IPCEF1: variants seen among roughly 807,000 people sequenced by gnomAD.
The protein encoded by IPCEF1 is interactor protein for cytohesin exchange factors 1.
Under a neutral mutation model 50.9 loss-of-function variants are expected in IPCEF1, and 31 were observed. The observed-to-expected ratio is 0.61, with a 90% CI of 0.46 to 0.82. The LOEUF is 0.82. Among genes scored for constraint, IPCEF1 ranks in the 40% least tolerant of loss-of-function variants. The pLI, the probability that IPCEF1 is intolerant of heterozygous loss-of-function variation, is 0.00. For synonymous variants in IPCEF1, 181 were observed against 192.0 expected (o/e 0.94, Z 0.47); for missense variants, 458 against 514.0 (o/e 0.89, Z 1.05).
chr6:154,176,359 A>G (rs981439796), intron 10 of IPCEF1, among the ~76,000 whole-genome samples: 4 of 152,224 alleles, frequency 2.6e-5, no homozygotes, highest in Admixed American at 2.0e-4. Flanking sequence ...AGTGTATTCA[A>G]TTAGGAAAAG....
At chr6:154,336,581 TTAGA>T (rs1458664290) in intron 1 of IPCEF1, among the ~76,000 whole-genome samples, 1 of 151,956 alleles carries the variant, frequency 6.6e-6, no homozygotes, top group Admixed American at 6.6e-5. Context: ...AAACATACAG[TTAGA>T]TAGGAGGAAA....
chr6:154,218,060 G>T (rs529635000), intron 7 of IPCEF1, among the ~76,000 whole-genome samples: 1 of 152,200 alleles, frequency 6.6e-6, no homozygotes, highest in South Asian at 2.1e-4. Context: ...GGATCCACTG[G>T]CTTAGAGTAC....
intron 1 of IPCEF1, among the ~76,000 whole-genome samples, chr6:154,308,104 G>A (rs1317034912): frequency 6.6e-6 from 1 of 152,164 alleles, no homozygotes; most frequent in Non-Finnish European, 1.5e-5. Context: ...AACTAGAACA[G>A]GGTGAAAGGG....
At chr6:154,259,367 T>A (rs1781537622) in intron 3 of IPCEF1, among the ~76,000 whole-genome samples, 1 of 152,072 alleles carries the variant, frequency 6.6e-6, no homozygotes, top group Non-Finnish European at 1.5e-5. Flanking sequence ...AAATATGAAA[T>A]GCGCGCTGGG....
intron 7 of IPCEF1, among the ~76,000 whole-genome samples, chr6:154,219,348 A>G (rs1010285940): frequency 6.6e-6 from 1 of 152,228 alleles, no homozygotes; most frequent in Non-Finnish European, 1.5e-5. Flanking sequence ...GCAAGGAATC[A>G]GCCACAGAAT....
intron 1 of IPCEF1, among the ~76,000 whole-genome samples, chr6:154,349,995 G>T (rs931001145): frequency 2.0e-5 from 3 of 152,142 alleles, no homozygotes; most frequent in African/African-American, 7.2e-5. Context: ...CTGAAAAGGG[G>T]ATTTAAGAGA....
intron 3 of IPCEF1, among the ~76,000 whole-genome samples, chr6:154,264,369 T>C (rs1781698298): frequency 6.6e-6 from 1 of 151,982 alleles, no homozygotes; most frequent in African/African-American, 2.4e-5. Context: ...CCAGCATCAT[T>C]ATTTTATTTT....
intron 10 of IPCEF1, among the ~76,000 whole-genome samples, chr6:154,184,430 A>C (rs1801162439): frequency 6.6e-6 from 1 of 152,032 alleles, no homozygotes; most frequent in African/African-American, 2.4e-5. Flanking sequence ...TGTACTAACA[A>C]GGAAGGCTTA....
chr6:154,323,027 A>G (rs1283258938), intron 1 of IPCEF1, among the ~76,000 whole-genome samples: 1 of 152,192 alleles, frequency 6.6e-6, no homozygotes, highest in Admixed American at 6.5e-5. Context: ...AATTTCATTA[A>G]TCTTTTTCGA....
At chr6:154,200,748 G>T (rs1357705120) in intron 9 of IPCEF1, among the ~76,000 whole-genome samples, 4 of 152,058 alleles carry the variant, frequency 2.6e-5, no homozygotes, top group Non-Finnish European at 5.9e-5. Context: ...GCAAAAGCTG[G>T]AGCCATTCCA....
At chr6:154,259,212 C>G (rs965380107) in intron 3 of IPCEF1, among the ~76,000 whole-genome samples, 1 of 152,242 alleles carries the variant, frequency 6.6e-6, no homozygotes, top group Non-Finnish European at 1.5e-5. Context: ...AGAGTTGACT[C>G]TTGGTATTTT....
At position 154,168,042 on chromosome 6, in the gene IPCEF1, G is replaced by C; in HGVS notation, c.982C>G (p.Pro328Ala). The change falls in exon 11 of 12, where the codon CCT (proline) becomes GCT (alanine). Residue 328 changes from proline (P) to alanine (A), a missense_variant. By Grantham distance (27) the Pro-to-Ala change is conservative (BLOSUM62 -1). Transcript: ENST00000367220. The surrounding 1 kb of genome is among the most constrained non-coding windows in gnomAD (Gnocchi z 4.1). ...GTCGAAGGTCGTCGGTCCCCAAGAG[G>C]AGATAGACTAGCTTGCTCTAATGAT... ...YKSLEQASLS[P>A]LGDRRPSTKK... 1.2e-6 allele frequency: 2 copies of C among 1,609,804 alleles called. No individual in the cohort carries two copies. Among genetic ancestry groups the C allele is most frequent in the Non-Finnish European group, 1.7e-6 (2 of 1,176,906 alleles).
chr6:154,244,301 GGT>G (rs10674508), intron 5 of IPCEF1, among the ~76,000 whole-genome samples: 1,867 of 148,010 alleles, frequency 0.013, 36 homozygotes, highest in African/African-American at 0.04. Context: ...TGTGTGGGTG[GGT>G]GTGTGTGTGT....
intron 5 of IPCEF1, among the ~76,000 whole-genome samples, chr6:154,245,429 T>C (rs74933981): frequency 0.032 from 4,809 of 152,310 alleles, 246 homozygotes; most frequent in African/African-American, 0.11. Context: ...GATTTGGGTC[T>C]GGTTTAACCA....
chr6:154,227,226 A>T (rs1015115201), intron 5 of IPCEF1, among the ~76,000 whole-genome samples: 3 of 151,986 alleles, frequency 2.0e-5, no homozygotes, highest in African/African-American at 7.3e-5. Context: ...CAAAAAAATT[A>T]AAAAATAAAA....
chr6:154,170,464 C>A (rs1385228232), intron 10 of IPCEF1, among the ~76,000 whole-genome samples: 2 of 152,212 alleles, frequency 1.3e-5, no homozygotes, highest in Non-Finnish European at 2.9e-5. Flanking sequence ...TTTCCCCTAT[C>A]CATCCCAGAA....
intron 3 of IPCEF1, chr6:154,247,749 C>T (rs113447878): frequency 0.017 from 6,488 of 375,932 alleles, 105 homozygotes; most frequent in Middle Eastern, 0.036. Flanking sequence ...ACCCACAAGC[C>T]GCTCTCACTA....
chr6:154,271,391 C>G (rs764203837), intron 2 of IPCEF1, among the ~76,000 whole-genome samples: 1 of 151,486 alleles, frequency 6.6e-6, no homozygotes, highest in Non-Finnish European at 1.5e-5. Flanking sequence ...GGATAAAAAT[C>G]CATATGATAG....
chr6:154,213,664 A>T (rs1778146421), intron 8 of IPCEF1, among the ~76,000 whole-genome samples: 1 of 152,152 alleles, frequency 6.6e-6, no homozygotes, highest in Admixed American at 6.5e-5. Context: ...TGGCAGCTAA[A>T]TCCTCCCTCT....
Sources: gnomAD v4.1 joint callset for allele counts (sites outside exome capture counted in the v4.1 genomes callset) on GRCh38, gnomAD v4.1.1 for gene constraint, Gnocchi (gnomAD v3.1) non-coding constraint, MANE v1.5 for transcripts, NCBI Gene and HGNC (gene_info 2026-07-23, HGNC 2026-07-21) for gene names.